Variants in B3GALT1 observed in about 807,000 individuals in gnomAD.
B3GALT1 encodes the protein UDP-Gal:betaGlcNAc beta 1,3-galactosyltransferase, polypeptide 1.
B3GALT1 carries 10 observed loss-of-function variants against 23.2 expected under a neutral mutation model. That is an observed-to-expected ratio of 0.43 (90% confidence interval 0.27 to 0.73). The LOEUF (loss-of-function observed/expected upper bound fraction) is 0.73. Ranked by LOEUF, B3GALT1 falls within the 30% of genes least tolerant of loss-of-function variation. The pLI, the probability that B3GALT1 is intolerant of heterozygous loss-of-function variation, is 0.21. For missense variants in B3GALT1, 299 were observed against 405.4 expected (o/e 0.74, Z 2.25); for synonymous variants, 156 against 141.5 (o/e 1.10, Z -0.73).
rs775494042 is a variant in B3GALT1, at chr2:167,611,714, A to G, written c.-409-35195A>G. Among the ~76,000 whole-genome samples, 13 of 151,992 alleles carry G rather than the reference A, an allele frequency of 8.6e-5. 1 individual carries two copies. Among genetic ancestry groups the G allele is most frequent in the Non-Finnish European group, 1.5e-4 (10 of 67,942 alleles). On this transcript the variant is annotated intron_variant, in intron 2 of 4. Transcript: ENST00000392690. The stretch of plus-strand genomic sequence containing the variant: ...AGGAAGAGCAGCGCCTTGGGGTCAC[A>G]TAGTTACATCTCAGCCAATATCCAC...
intron 3 of B3GALT1, among the ~76,000 whole-genome samples, chr2:167,650,316 G>A (rs1032476719): frequency 1.4e-5 from 2 of 142,786 alleles, no homozygotes; most frequent in Non-Finnish European, 3.1e-5. Flanking sequence ...ATATATATAT[G>A]TGTGTGTGTA....
rs16853502 is a variant in B3GALT1, at chr2:167,360,157, T to G, written c.-511+66823T>G. On this transcript the variant is annotated intron_variant, in intron 1 of 4. Coordinates refer to ENST00000392690, the MANE Select transcript of B3GALT1 (RefSeq NM_020981.4). Reference sequence around the variant, plus strand: ...AATTAAAGTATTACATATGGGAAAATGTATTGTGACATGTAAACTATTAAT... The same window carrying G: ...AATTAAAGTATTACATATGGGAAAAGGTATTGTGACATGTAAACTATTAAT... Among the ~76,000 whole-genome samples the G allele has an allele frequency of 9.2e-3, 1,406 of 152,256 alleles. 20 individuals are homozygous for G. The highest frequency in any genetic ancestry group is 0.031 in the African/African-American group (1,295 of 41,548).
chr2:167,573,037 A>G (rs113045269), intron 2 of B3GALT1, among the ~76,000 whole-genome samples: 4,619 of 151,878 alleles, frequency 0.03, 110 homozygotes, highest in Middle Eastern at 0.11. Context: ...TGCTTACTCA[A>G]GTTCTTGCTC....
intron 3 of B3GALT1, among the ~76,000 whole-genome samples, chr2:167,744,789 C>T (rs1053226107): frequency 6.6e-6 from 1 of 152,008 alleles, no homozygotes; most frequent in Non-Finnish European, 1.5e-5. Flanking sequence ...AGGGTTTCTC[C>T]ATGTTGGTGA....
intron 4 of B3GALT1, among the ~76,000 whole-genome samples, chr2:167,821,713 G>A (rs915075046): frequency 6.6e-6 from 1 of 151,794 alleles, no homozygotes; most frequent in Non-Finnish European, 1.5e-5. Context: ...GAGATTACAG[G>A]CGTAAGCCAC....
intron 3 of B3GALT1, among the ~76,000 whole-genome samples, chr2:167,709,557 A>G (rs1010417050): frequency 6.6e-6 from 1 of 152,148 alleles, no homozygotes; most frequent in African/African-American, 2.4e-5. Flanking sequence ...AGGAAATGTG[A>G]GTGGAGCAGA....
chr2:167,620,998 T>G (rs1259220997), intron 2 of B3GALT1, among the ~76,000 whole-genome samples: 20 of 152,006 alleles, frequency 1.3e-4, no homozygotes, highest in African/African-American at 4.6e-4. Flanking sequence ...TTTCTTTCAT[T>G]TTCATAGTAG....
Position 167,552,551 on chromosome 2 carries a change from C to T in B3GALT1, c.-410+62274C>T, listed in dbSNP as rs188932112. On this transcript the variant is annotated intron_variant, in intron 2 of 4. Transcript: ENST00000392690. The stretch of plus-strand genomic sequence containing the variant: ...GTATATTTTAGAATACTGCTTGTCA[C>T]TTAGCAAATGCAGTGTAGGTATATG... Among the ~76,000 whole-genome samples the T allele has an allele frequency of 3.1e-3, 466 of 152,284 alleles. 3 individuals are homozygous for T. Among genetic ancestry groups the T allele is most frequent in the African/African-American group, 0.01 (436 of 41,564 alleles).
chr2:167,674,874 A>C (rs913724729), intron 3 of B3GALT1, among the ~76,000 whole-genome samples: 1 of 152,220 alleles, frequency 6.6e-6, no homozygotes, highest in African/African-American at 2.4e-5. Flanking sequence ...TATATTATCA[A>C]ATTATTTTTA....
Position 167,758,889 on chromosome 2 carries a change from G to A in B3GALT1, c.-351-59783G>A, listed in dbSNP as rs569289826. ...ACTTGGGACAAAACGTGTCCACCAG[G>A]CCCAGTGTGTTTCTGGGTACTCTGT... On this transcript the variant is annotated intron_variant, in intron 3 of 4. Transcript: ENST00000392690. 2.0e-5 allele frequency among the ~76,000 whole-genome samples: 3 copies of A among 152,258 alleles called. No homozygotes were observed. In the South Asian group the frequency reaches 6.2e-4, roughly 32 times the overall value.
At chr2:167,311,947 G>C (rs1574028195) in intron 1 of B3GALT1, among the ~76,000 whole-genome samples, 1 of 151,968 alleles carries the variant, frequency 6.6e-6, no homozygotes, top group East Asian at 1.9e-4. Flanking sequence ...AAATTTTCCA[G>C]AACTGTTTTT....
chr2:167,712,835 T>G (rs775757960), intron 3 of B3GALT1, among the ~76,000 whole-genome samples: 17 of 152,176 alleles, frequency 1.1e-4, no homozygotes, highest in Non-Finnish European at 1.6e-4. Context: ...CTATTGGAAG[T>G]GACCCCATCT....
At chr2:167,353,203 A>G (rs763992947) in intron 1 of B3GALT1, among the ~76,000 whole-genome samples, 9 of 152,264 alleles carry the variant, frequency 5.9e-5, no homozygotes, top group Non-Finnish European at 1.3e-4. Flanking sequence ...ACTGGAAAAG[A>G]AAACTGAATA....
intron 1 of B3GALT1, among the ~76,000 whole-genome samples, chr2:167,314,063 A>T (rs1476805671): frequency 6.6e-6 from 1 of 152,158 alleles, no homozygotes; most frequent in Non-Finnish European, 1.5e-5. Context: ...TACACACAAA[A>T]GACTTTGTCA....
At chr2:167,487,813 A>C (rs1237002791) in intron 1 of B3GALT1, among the ~76,000 whole-genome samples, 3 of 152,182 alleles carry the variant, frequency 2.0e-5, no homozygotes, top group Non-Finnish European at 4.4e-5. Context: ...TTGTTTGTAT[A>C]TCAAATACTG....
At chr2:167,659,270 A>G (rs550934410) in intron 3 of B3GALT1, among the ~76,000 whole-genome samples, 1 of 151,964 alleles carries the variant, frequency 6.6e-6, no homozygotes, top group East Asian at 1.9e-4. Flanking sequence ...GGGTGTTGTA[A>G]TTAATTTTTT....
intron 1 of B3GALT1, among the ~76,000 whole-genome samples, chr2:167,322,472 A>G (rs1443998282): frequency 1.3e-5 from 2 of 152,010 alleles, no homozygotes; most frequent in Non-Finnish European, 2.9e-5. Flanking sequence ...GTATAAAATA[A>G]TAGTTTTTCT....
At chr2:167,838,563 A>AC (rs1234066363) in intron 4 of B3GALT1, among the ~76,000 whole-genome samples, 5 of 152,288 alleles carry the variant, frequency 3.3e-5, no homozygotes, top group Non-Finnish European at 5.9e-5. Flanking sequence ...AGAGTCCAGG[A>AC]CCAGAAGGAT....
At chr2:167,390,115 C>G (rs1697997424) in intron 1 of B3GALT1, among the ~76,000 whole-genome samples, 1 of 152,074 alleles carries the variant, frequency 6.6e-6, no homozygotes, top group South Asian at 2.1e-4. Context: ...ACGAACCCTT[C>G]ACTGCACTCT....
Sources: gnomAD v4.1 joint callset for allele counts (sites outside exome capture counted in the v4.1 genomes callset) on GRCh38, gnomAD v4.1.1 for gene constraint, MANE v1.5 for transcripts, NCBI Gene and HGNC (gene_info 2026-07-23, HGNC 2026-07-21) for gene names.